KRT36: variants seen among roughly 807,000 people sequenced by gnomAD.
The protein encoded by KRT36 is keratin 36.
A neutral mutation model predicts 43.0 loss-of-function variants in KRT36; 41 were observed. The observed-to-expected ratio is 0.95, with a 90% confidence interval of 0.74 to 1.24. The LOEUF (loss-of-function observed/expected upper bound fraction) is 1.24. Ranked by LOEUF, KRT36 falls within the 50% of genes most tolerant of loss-of-function variation. The pLI is 0.00. For missense variants in KRT36, 627 were observed against 595.3 expected, an observed-to-expected ratio of 1.05 and a Z score of -0.55; for synonymous variants, 277 against 252.9, an observed-to-expected ratio of 1.10 and a Z score of -0.90.
Position 41,487,342 on chromosome 17 carries a change from G to A in KRT36, c.987+9C>T. 1.2e-6 allele frequency: 2 copies of A among 1,609,634 alleles called. No homozygotes were observed. Among genetic ancestry groups the A allele is most frequent in the Non-Finnish European group, 1.7e-6 (2 of 1,179,206 alleles). On this transcript the variant is annotated intron_variant, in intron 5 of 6. Coordinates refer to ENST00000328119, the MANE Select transcript of KRT36 (RefSeq NM_003771.5). Reference sequence around the variant, plus strand: ...GCCGTGGCCAGCGACGCAGGCAGGGGCCACTCACCATGCTGTGCTGAGCCT... The same window carrying A: ...GCCGTGGCCAGCGACGCAGGCAGGGACCACTCACCATGCTGTGCTGAGCCT...
In KRT36 at chr17:41,489,860, GC is replaced by G. The variant is rs752557571; in HGVS notation, c.4del (p.Ala2ProfsTer99). On this transcript the variant is annotated frameshift_variant, in exon 1 of 7. Coordinates refer to ENST00000328119, the MANE Select transcript of KRT36 (RefSeq NM_003771.5). LOFTEE classifies it high-confidence loss of function. ...GAAGGTAGGGGTGCAGGTCTGGGTG[GC>G]CATGGTGCTAGCAGAGGAAGGTTGC... M[A>X]TQTCTPTFST... 10 of 1,611,072 alleles carry G rather than the reference GC, an allele frequency of 6.2e-6. No individual in the cohort carries two copies. The highest frequency in any genetic ancestry group is 8.5e-6 in the Non-Finnish European group (10 of 1,178,302).
Position 41,489,607 on chromosome 17 carries a change from C to G in KRT36, c.258G>C (p.Glu86Asp). 6.2e-7 allele frequency: 1 copy of G among 1,614,172 alleles called. No individual in the cohort carries two copies. Among genetic ancestry groups the G allele is most frequent in the Non-Finnish European group, 8.5e-7 (1 of 1,180,040 alleles). Residue 86 changes from glutamate to aspartate, a missense_variant, in exon 1 of 7, where the codon GAG becomes GAC. Coordinates refer to ENST00000328119, the MANE Select transcript of KRT36 (RefSeq NM_003771.5). The part of the protein sequence containing the change: ...GFVGSGGWFC[E>D]GSFNGSEKET... ...CCTTCTCGCTGCCGTTGAAGGAGCCCTCGCAGAACCAGCCCCCGCTCCCCA... is the reference window on the plus strand; with the variant it reads ...CCTTCTCGCTGCCGTTGAAGGAGCCGTCGCAGAACCAGCCCCCGCTCCCCA...
At chr17:41,489,383 G>A in intron 1 of KRT36, 23 bp downstream of exon 1, 1 of 1,607,578 alleles carries the variant, frequency 6.2e-7, no homozygotes, top group South Asian at 1.1e-5. Flanking sequence ...TGCTCAGCTG[G>A]AAAGGGGCCA....
At position 41,486,227 on chromosome 17, in the gene KRT36, AAC is replaced by A. The variant is rs1371529011; in HGVS notation, c.*147_*148del. The stretch of plus-strand genomic sequence containing the variant: ...GCGTAAAAGCACAGTTAAGTCCGGA[AAC>A]ACAATACGGGGAGTGTTTTGGTAGA... On this transcript the variant is annotated 3_prime_UTR_variant, in exon 7 of 7. Transcript: ENST00000328119. 1 of 618,500 alleles carries A rather than the reference AAC, an allele frequency of 1.6e-6. No individual in the cohort carries two copies. The highest frequency in any genetic ancestry group is 1.9e-5 in the African/African-American group (1 of 53,234). 38.3% of individuals were successfully genotyped at this position (618,500 alleles called of 1,614,324 possible).
In KRT36 at chr17:41,486,433, C is replaced by A; in HGVS notation, c.1347G>T (p.Glu449Asp). The change falls in exon 7 of 7, where the codon GAG (glutamate) becomes GAT (aspartate). Residue 449 changes from glutamate (E) to aspartate (D), a missense_variant. Physicochemically the swap from Glu to Asp is conservative, Grantham distance 45 (BLOSUM62 2). Coordinates refer to ENST00000328119, the MANE Select transcript of KRT36 (RefSeq NM_003771.5). Reference sequence around the variant, plus strand: ...AGGAGATGACTTTCCCATCTCTGATCTCCTCGGTGATGGTGCGGATCTGAG... The same window carrying A: ...AGGAGATGACTTTCCCATCTCTGATATCCTCGGTGATGGTGCGGATCTGAG... Reference protein sequence around the residue: ...VGTQIRTITEEIRDGKVISSR... With the variant: ...VGTQIRTITEDIRDGKVISSR... 15 of 1,614,138 alleles carry A rather than the reference C, an allele frequency of 9.3e-6. No homozygotes were observed. Among genetic ancestry groups the A allele is most frequent in the Non-Finnish European group, 1.3e-5 (15 of 1,180,012 alleles).
chr17:41,489,782 A>C lies in KRT36; in HGVS notation c.83T>G (p.Val28Gly), dbSNP rs1424133656. 6.2e-7 allele frequency: 1 copy of C among 1,613,778 alleles called. No individual in the cohort carries two copies. Among genetic ancestry groups the C allele is most frequent in the Non-Finnish European group, 8.5e-7 (1 of 1,179,954 alleles). Residue 28 changes from valine to glycine, a missense_variant, in exon 1 of 7, where the codon GTG becomes GGG. Val to Gly is a moderately radical substitution (Grantham distance 109). Coordinates refer to ENST00000328119, the MANE Select transcript of KRT36 (RefSeq NM_003771.5). ...GGAGCCCACAGAACGGATGGAGGAC[A>C]CCCGAGAGATGCCGCCTGCTGTGCC... ...LCGTAGGISR[V>G]SSIRSVGSCR...
At position 41,489,508 on chromosome 17, in the gene KRT36, C is replaced by A; in HGVS notation, c.357G>T (p.Ala119=). ...EKVRQLEREN[A]ELESRIQEWY... ...ACTCCTGGATGCGGCTCTCCAGCTC[C>A]GCGTTCTCCCGCTCCAGCTGACGCA... Residue 119 remains alanine, a synonymous_variant, in exon 1 of 7, where the codon GCG becomes GCT. Transcript: ENST00000328119. 6.2e-7 allele frequency: 1 copy of A among 1,614,208 alleles called. No homozygotes were observed. The highest frequency in any genetic ancestry group is 1.3e-5 in the African/African-American group (1 of 75,058).
At position 41,488,270 on chromosome 17, in the gene KRT36, C is replaced by T. The variant is rs758421502; in HGVS notation, c.672G>A (p.Leu224=). 6 of 1,614,118 alleles carry T rather than the reference C, an allele frequency of 3.7e-6. No homozygotes were observed. The highest frequency in any genetic ancestry group is 5.1e-6 in the Non-Finnish European group (6 of 1,179,972). ...CCTCGTGATTCTTCTTGAGGCACATCAGCTCCTCCTTCAGGGACTCCACCT... is the reference window on the plus strand; with the variant it reads ...CCTCGTGATTCTTCTTGAGGCACATTAGCTCCTCCTTCAGGGACTCCACCT... ...EAQVESLKEE[L]MCLKKNHEEE... The change falls in exon 3 of 7, where the codon CTG becomes CTA. Residue 224 remains leucine, a synonymous_variant. Transcript: ENST00000328119.
At chr17:41,488,602 G>A in intron 2 of KRT36, 40 bp downstream of exon 2, 1 of 1,591,474 alleles carries the variant, frequency 6.3e-7, no homozygotes, top group Non-Finnish European at 8.6e-7. Context: ...CAGAGGCAAG[G>A]GAGTGGCATG....
Position 41,488,214 on chromosome 17 carries a change from A to C in KRT36, c.699+29T>G, listed in dbSNP as rs765642536. The C allele has an allele frequency of 3.1e-6, 5 of 1,604,708 alleles. No homozygotes were observed. In the South Asian group the frequency reaches 5.5e-5, roughly 18 times the overall value. On this transcript the variant is annotated intron_variant, in intron 3 of 6. Coordinates refer to ENST00000328119, the MANE Select transcript of KRT36 (RefSeq NM_003771.5). ...TGGCTTCCTAAGCTGGATGGGAAAC[A>C]CTGGGAAGTCACATGGCACCAGCCT...
At chr17:41,489,264 A>T (rs1249732752) in intron 1 of KRT36, 142 bp downstream of exon 1, 1 of 880,044 alleles carries the variant, frequency 1.1e-6, no homozygotes, top group African/African-American at 1.7e-5. Context: ...TCCCCCAGGA[A>T]ACCAAAGCCC....
rs1262022091 is a variant in KRT36, at chr17:41,488,653, G to C, written c.531C>G (p.Asp177Glu). The C allele has an allele frequency of 6.2e-7, 1 of 1,614,138 alleles. No individual in the cohort carries two copies. Among genetic ancestry groups the C allele is most frequent in the Non-Finnish European group, 8.5e-7 (1 of 1,180,006 alleles). The change falls in exon 2 of 7, where the codon GAC becomes GAG. Residue 177 changes from aspartate to glutamate, a missense_variant. Coordinates refer to ENST00000328119, the MANE Select transcript of KRT36 (RefSeq NM_003771.5). ...TCAGGCCCACTCACTTGGTCCGGAA[G>C]TCGTCAGCAGCCAGCTTGGCATTAT... ...QIDNAKLAAD[D>E]FRTKYETELS...
intron 1 of KRT36, 112 bp downstream of exon 1, chr17:41,489,294 T>C: frequency 1.7e-6 from 2 of 1,203,264 alleles, no homozygotes; most frequent in Admixed American, 2.3e-5. Context: ...AAGTTTGCCC[T>C]ACCAGGAGAA....
intron 3 of KRT36, 121 bp from the exon 4 acceptor site, chr17:41,487,858 T>C: frequency 1.1e-6 from 1 of 952,348 alleles, no homozygotes; most frequent in East Asian, 2.5e-5. Context: ...GACAGGATAC[T>C]TAAATATCTC....
chr17:41,488,716 C>T lies in KRT36; in HGVS notation c.468G>A (p.Leu156=). The T allele has an allele frequency of 6.2e-7, 1 of 1,614,068 alleles. No individual in the cohort carries two copies. Among genetic ancestry groups the T allele is most frequent in the South Asian group, 1.1e-5 (1 of 91,072 alleles). ...CCAGCCTGGCATTCTCAGACTTAGT[C>T]AGCAGGATCTGGGGAACAAGAGGCT... is the stretch of plus-strand genomic sequence containing the variant. ...TIEDFQQKIL[L]TKSENARLVL... Residue 156 remains leucine (L), a synonymous_variant, in exon 2 of 7, where the codon CTG becomes CTA. Transcript: ENST00000328119.
Position 41,489,871 on chromosome 17 carries a change from A to C in KRT36, c.-7T>G. On this transcript the variant is annotated 5_prime_UTR_variant, in exon 1 of 7. Transcript: ENST00000328119. ...TGCAGGTCTGGGTGGCCATGGTGCT[A>C]GCAGAGGAAGGTTGCAGCTTAGCAA... The C allele has an allele frequency of 6.2e-7, 1 of 1,607,906 alleles. No homozygotes were observed. Among genetic ancestry groups the C allele is most frequent in the Non-Finnish European group, 8.5e-7 (1 of 1,175,916 alleles).
chr17:41,488,006 T>C (rs1328275695), intron 3 of KRT36, among the ~76,000 whole-genome samples: 2 of 152,214 alleles, frequency 1.3e-5, no homozygotes, highest in Non-Finnish European at 2.9e-5. Flanking sequence ...TGGGCAAAAG[T>C]GTAGACCCTC....
In KRT36 at chr17:41,487,744, A is replaced by G. The variant is rs541747992; in HGVS notation, c.700-7T>C. ...AACGGAGTACACTGACTTCCTGCAG[A>G]GAGGAGGCAAGACGGCATGAGGTTG... On this transcript the variant is annotated splice_polypyrimidine_tract_variant and splice_region_variant and intron_variant, in intron 3 of 6. Transcript: ENST00000328119. 5 of 1,601,512 alleles carry G rather than the reference A, an allele frequency of 3.1e-6. No homozygotes were observed. The highest frequency in any genetic ancestry group is 1.1e-5 in the South Asian group (1 of 90,258).
chr17:41,489,805 G>GC lies in KRT36; in HGVS notation c.59dup (p.Thr21HisfsTer33). On this transcript the variant is annotated frameshift_variant, in exon 1 of 7. Transcript: ENST00000328119. LOFTEE classifies it high-confidence loss of function. ...ACACCCGAGAGATGCCGCCTGCTGT[G>GC]CCACAGAGGCCCTTGATAGACCCAG... The GC allele has an allele frequency of 6.2e-7, 1 of 1,613,682 alleles. No individual in the cohort carries two copies. Among genetic ancestry groups the GC allele is most frequent in the Non-Finnish European group, 8.5e-7 (1 of 1,179,970 alleles).
Sources: allele counts gnomAD v4.1 joint callset (sites outside exome capture counted in the v4.1 genomes callset), GRCh38; gene constraint gnomAD v4.1.1; transcripts MANE v1.5; gene names NCBI Gene and HGNC (gene_info 2026-07-23, HGNC 2026-07-21).